Variants in GRIA4 observed in about 807,000 individuals in gnomAD.
GRIA4 encodes glutamate receptor 4.
GRIA4 carries 34 observed loss-of-function variants against 104.0 expected under a neutral mutation model. That is an observed-to-expected ratio of 0.33 (90% CI 0.25 to 0.44). The LOEUF is 0.44. Among genes scored for constraint, GRIA4 ranks in the 20% least tolerant of loss-of-function variants. The probability of loss-of-function intolerance (pLI) is 1.00; values close to 1 mark genes in which losing one functional copy is unlikely to be tolerated. For synonymous variants in GRIA4, 386 were observed against 381.9 expected (o/e 1.01, Z -0.13); for missense variants, 750 against 1,096.5 (o/e 0.68, Z 4.46).
intron 3 of GRIA4, among the ~76,000 whole-genome samples, chr11:105,719,258 G>A (rs1954210784): frequency 6.6e-6 from 1 of 152,126 alleles, no homozygotes; most frequent in Non-Finnish European, 1.5e-5. Flanking sequence ...ATCACTCATT[G>A]TGTTTGCTGG....
At chr11:105,860,956 GAAAAAAAAAA>G (rs55824302) in intron 4 of GRIA4, among the ~76,000 whole-genome samples, 7 of 106,100 alleles carry the variant, frequency 6.6e-5, no homozygotes, top group Non-Finnish European at 1.3e-4. Context: ...AAGACTGTCT[GAAAAAAAAAA>G]AAAAAAAAAA....
rs569948383 is a variant in GRIA4 at position 105,757,949 on chromosome 11, A to G, written c.487+4729A>G. ...GAATTTTTTGAAATAATAAAATTGT[A>G]TAAAAATTTTTTGGCTGGGTCTGGT... On this transcript the variant is annotated intron_variant, in intron 4 of 16. Transcript: ENST00000282499. 2.0e-5 allele frequency among the ~76,000 whole-genome samples: 3 copies of G among 152,302 alleles called. 1 individual carries two copies. Among genetic ancestry groups the G allele is most frequent in the African/African-American group, 7.2e-5 (3 of 41,574 alleles).
Position 105,619,750 on chromosome 11 carries a change from A to G in GRIA4, c.247+7316A>G, listed in dbSNP as rs955362709. ...CAATCAAACTTTTGAACAGCTTCTC[A>G]ATGAGTTCCAGTCACAAAAAAGGCC... On this transcript the variant is annotated intron_variant, in intron 3 of 16. Transcript: ENST00000282499. 3.3e-5 allele frequency among the ~76,000 whole-genome samples: 5 copies of G among 151,930 alleles called. No individual in the cohort carries two copies. In the East Asian group the frequency reaches 7.7e-4, roughly 23 times the overall value.
At chr11:105,803,336 T>C (rs1942802231) in intron 4 of GRIA4, among the ~76,000 whole-genome samples, 1 of 151,952 alleles carries the variant, frequency 6.6e-6, no homozygotes, top group Non-Finnish European at 1.5e-5. Flanking sequence ...TTTAGGTTAT[T>C]TGCCACTATG....
intron 6 of GRIA4, among the ~76,000 whole-genome samples, chr11:105,893,412 T>C (rs1229820318): frequency 2.6e-5 from 4 of 152,088 alleles, no homozygotes; most frequent in African/African-American, 9.7e-5. Flanking sequence ...ATGAAAGAAA[T>C]ATATGAAAGA....
intron 5 of GRIA4, among the ~76,000 whole-genome samples, chr11:105,864,224 C>CTGT (rs1219163605): frequency 6.6e-6 from 1 of 152,114 alleles, no homozygotes; most frequent in Non-Finnish European, 1.5e-5. Flanking sequence ...TCTGAACATG[C>CTGT]TGTTGTTGTT....
At chr11:105,741,398 T>C (rs1939296591) in intron 3 of GRIA4, among the ~76,000 whole-genome samples, 1 of 152,110 alleles carries the variant, frequency 6.6e-6, no homozygotes, top group South Asian at 2.1e-4. Flanking sequence ...CCATGGGAGC[T>C]TTGGAACATG....
At chr11:105,943,593 C>T (rs1948234281) in intron 14 of GRIA4, among the ~76,000 whole-genome samples, 1 of 151,984 alleles carries the variant, frequency 6.6e-6, no homozygotes, top group Non-Finnish European at 1.5e-5. Flanking sequence ...TTTCATTTTT[C>T]TCCTCATCAC....
chr11:105,720,553 A>G (rs1330173763), intron 3 of GRIA4, among the ~76,000 whole-genome samples: 1 of 152,248 alleles, frequency 6.6e-6, no homozygotes, highest in Non-Finnish European at 1.5e-5. Flanking sequence ...AGCGCAATTT[A>G]TGATGCCATT....
At chr11:105,948,597 T>TTTTTTTTTTTTTTTTTTTTTTTTG (rs1948383174) in intron 14 of GRIA4, among the ~76,000 whole-genome samples, 6 of 36,406 alleles carry the variant, frequency 1.6e-4, no homozygotes, top group Non-Finnish European at 2.5e-4. Context: ...TTCTTTTTGT[T>TTTTTTTTTTTTTTTTTTTTTTTTG]TTTTTTTTTT....
intron 4 of GRIA4, among the ~76,000 whole-genome samples, chr11:105,855,177 C>T (rs548686932): frequency 1.7e-4 from 26 of 152,196 alleles, no homozygotes; most frequent in African/African-American, 6.3e-4. Flanking sequence ...CTTTAGGGAC[C>T]ATACTACAGT....
At position 105,794,812 on chromosome 11, in the gene GRIA4, T is replaced by A. The variant is rs190365886; in HGVS notation, c.487+41592T>A. Among the ~76,000 whole-genome samples the A allele has an allele frequency of 3.3e-5, 5 of 151,866 alleles. No individual in the cohort carries two copies. In the East Asian group the frequency reaches 9.7e-4, roughly 30 times the overall value. ...ATCTTAATTACATCTTTAGTTTTCTTAACCTGAAACTCAAATTTAGCATTT... is the reference window on the plus strand; with the variant it reads ...ATCTTAATTACATCTTTAGTTTTCTAAACCTGAAACTCAAATTTAGCATTT... On this transcript the variant is annotated intron_variant, in intron 4 of 16. Transcript: ENST00000282499.
intron 15 of GRIA4, among the ~76,000 whole-genome samples, chr11:105,972,682 C>T (rs1039484845): frequency 1.1e-4 from 17 of 151,894 alleles, no homozygotes; most frequent in African/African-American, 3.6e-4. Flanking sequence ...ATAAAAAATG[C>T]AGGAACCTAT....
At chr11:105,628,098 A>C (rs61901796) in intron 3 of GRIA4, among the ~76,000 whole-genome samples, 5 of 149,904 alleles carry the variant, frequency 3.3e-5, no homozygotes, top group African/African-American at 9.8e-5. Context: ...CACACACACA[A>C]ACACACACAC....
intron 3 of GRIA4, among the ~76,000 whole-genome samples, chr11:105,663,423 AG>A (rs2135417208): frequency 6.6e-6 from 1 of 152,086 alleles, no homozygotes; most frequent in East Asian, 1.9e-4. Flanking sequence ...AGTAAGGCAC[AG>A]TCATTACTCT....
intron 3 of GRIA4, among the ~76,000 whole-genome samples, chr11:105,703,266 A>G (rs1446136247): frequency 2.0e-5 from 3 of 152,196 alleles, no homozygotes; most frequent in Non-Finnish European, 4.4e-5. Flanking sequence ...CAAATAAATA[A>G]TTCAAAAACT....
At position 105,903,985 on chromosome 11, in the gene GRIA4, A is replaced by C. The variant is rs764167714; in HGVS notation, c.1053+4A>C. On this transcript the variant is annotated splice_donor_region_variant and intron_variant, in intron 8 of 16. Coordinates refer to ENST00000282499, the MANE Select transcript of GRIA4 (RefSeq NM_000829.4). ...CATGGAGAGGACACTCAAACAGGTAACTCACAATTTTATTTAAGTTCAATT... is the reference window on the plus strand; with the variant it reads ...CATGGAGAGGACACTCAAACAGGTACCTCACAATTTTATTTAAGTTCAATT... The C allele has an allele frequency of 6.3e-7, 1 of 1,575,764 alleles. No individual in the cohort carries two copies. The highest frequency in any genetic ancestry group is 8.6e-7 in the Non-Finnish European group (1 of 1,159,194).
intron 3 of GRIA4, among the ~76,000 whole-genome samples, chr11:105,748,040 T>G (rs987496131): frequency 6.6e-6 from 1 of 152,214 alleles, no homozygotes; most frequent in Non-Finnish European, 1.5e-5. Flanking sequence ...ACTTGGTAGT[T>G]ATTATTGCAT....
intron 3 of GRIA4, among the ~76,000 whole-genome samples, chr11:105,744,489 T>C (rs1438645486): frequency 6.6e-6 from 1 of 152,174 alleles, no homozygotes; most frequent in Non-Finnish European, 1.5e-5. Context: ...GCTAGGAAGT[T>C]AACATAAATA....
Sources: allele counts gnomAD v4.1 joint callset (sites outside exome capture counted in the v4.1 genomes callset), GRCh38; gene constraint gnomAD v4.1.1; transcripts MANE v1.5; gene names NCBI Gene and HGNC (gene_info 2026-07-23, HGNC 2026-07-21).